EPHA5: variants seen among roughly 807,000 people sequenced by gnomAD.
EPHA5 encodes ephrin type-A receptor 5.
In EPHA5, 60 loss-of-function variants were observed where a neutral mutation model predicts 105.0. That is an observed-to-expected ratio of 0.57 (90% CI 0.46 to 0.71). The LOEUF (loss-of-function observed/expected upper bound fraction) is 0.71. Among genes scored for constraint, EPHA5 ranks in the 30% least tolerant of loss-of-function variants. EPHA5 has a pLI of 0.00. For missense variants in EPHA5, 1,218 were observed against 1,274.7 expected, an observed-to-expected ratio of 0.96 and a Z score of 0.68; for synonymous variants, 513 against 449.1, an observed-to-expected ratio of 1.14 and a Z score of -1.80.
intron 3 of EPHA5, among the ~76,000 whole-genome samples, chr4:65,557,260 T>TATATATATATATATATATATATATC: frequency 3.9e-5 from 1 of 25,548 alleles, no homozygotes; most frequent in Non-Finnish European, 9.2e-5. Context: ...ATATATATAT[T>TATATATATATATATATATATATATC]CTCACACTTT....
At chr4:65,427,568 A>G (rs1290721328) in intron 5 of EPHA5, among the ~76,000 whole-genome samples, 3 of 152,210 alleles carry the variant, frequency 2.0e-5, no homozygotes, top group Non-Finnish European at 2.9e-5. Flanking sequence ...TTTTAAATCT[A>G]TGTGTCTTAT....
intron 11 of EPHA5, among the ~76,000 whole-genome samples, chr4:65,362,252 A>G (rs965663253): frequency 6.6e-6 from 1 of 151,602 alleles, no homozygotes; most frequent in African/African-American, 2.4e-5. Context: ...CCCTACCTCA[A>G]CTTCAATAAG....
chr4:65,583,793 A>G (rs977709108), intron 3 of EPHA5, among the ~76,000 whole-genome samples: 6 of 151,760 alleles, frequency 4.0e-5, no homozygotes, highest in Admixed American at 2.6e-4. Context: ...AAAATCATGA[A>G]AAAGAAATTC....
intron 3 of EPHA5, among the ~76,000 whole-genome samples, chr4:65,511,733 G>A (rs972026956): frequency 6.6e-6 from 1 of 152,144 alleles, no homozygotes; most frequent in Non-Finnish European, 1.5e-5. Context: ...TAGGCAATCA[G>A]TTATTTTAAT....
intron 5 of EPHA5, among the ~76,000 whole-genome samples, chr4:65,461,034 T>C (rs1257266730): frequency 2.6e-5 from 4 of 151,856 alleles, no homozygotes; most frequent in Non-Finnish European, 5.9e-5. Flanking sequence ...CTATAAATAT[T>C]CCACATGATC....
chr4:65,514,738 A>C (rs151229246), intron 3 of EPHA5, among the ~76,000 whole-genome samples: 38 of 152,292 alleles, frequency 2.5e-4, no homozygotes, highest in African/African-American at 9.1e-4. Context: ...CTCGTCATCA[A>C]ATCTCATGCC....
chr4:65,514,758 T>C (rs970504727), intron 3 of EPHA5, among the ~76,000 whole-genome samples: 1 of 152,144 alleles, frequency 6.6e-6, no homozygotes. Context: ...CATCAAACTA[T>C]ATAACCAATT....
At chr4:65,404,746 G>A (rs1722194863) in intron 7 of EPHA5, among the ~76,000 whole-genome samples, 1 of 152,148 alleles carries the variant, frequency 6.6e-6, no homozygotes, top group Non-Finnish European at 1.5e-5. Flanking sequence ...CATGTTGTTT[G>A]CATAGTATTC....
intron 2 of EPHA5, among the ~76,000 whole-genome samples, chr4:65,641,969 G>A (rs1747709761): frequency 6.6e-6 from 1 of 151,966 alleles, no homozygotes; most frequent in Non-Finnish European, 1.5e-5. Context: ...TTGAGTAATT[G>A]TCTTCAAATG....
chr4:65,614,115 C>T (rs923459770), intron 2 of EPHA5, among the ~76,000 whole-genome samples: 6 of 151,858 alleles, frequency 4.0e-5, no homozygotes, highest in Non-Finnish European at 7.4e-5. Flanking sequence ...TTCCTACTGG[C>T]GTCTTCTGTC....
intron 14 of EPHA5, among the ~76,000 whole-genome samples, chr4:65,345,152 C>A (rs1052040163): frequency 6.6e-6 from 1 of 151,986 alleles, no homozygotes; most frequent in African/African-American, 2.4e-5. Context: ...GTCATAGTCC[C>A]GCCCCTAAAA....
At chr4:65,327,587 T>C (rs1429701014) in intron 16 of EPHA5, among the ~76,000 whole-genome samples, 1 of 151,304 alleles carries the variant, frequency 6.6e-6, no homozygotes, top group Non-Finnish European at 1.5e-5. Flanking sequence ...ATTTAGAAGA[T>C]AGGATAACTA....
At chr4:65,653,139 T>G (rs910963170) in intron 1 of EPHA5, among the ~76,000 whole-genome samples, 1 of 152,004 alleles carries the variant, frequency 6.6e-6, no homozygotes, top group Non-Finnish European at 1.5e-5. Context: ...TCATTAGCTT[T>G]CCAGACTTCA....
intron 1 of EPHA5, among the ~76,000 whole-genome samples, chr4:65,668,848 C>T (rs948887424): frequency 3.3e-5 from 5 of 151,958 alleles, no homozygotes; most frequent in African/African-American, 1.2e-4. Flanking sequence ...GACACTCCCC[C>T]TCACCCCTCC....
intron 5 of EPHA5, among the ~76,000 whole-genome samples, chr4:65,445,454 A>G (rs1250713527): frequency 6.6e-6 from 1 of 152,166 alleles, no homozygotes; most frequent in African/African-American, 2.4e-5. Context: ...AAGCCTTCAA[A>G]TATTGCTTCT....
At chr4:65,661,610 A>G (rs1215839016) in intron 1 of EPHA5, among the ~76,000 whole-genome samples, 2 of 152,128 alleles carry the variant, frequency 1.3e-5, no homozygotes. Context: ...GAGACTGGGC[A>G]GTCAGCCTCA....
chr4:65,467,148 A>G (rs1728798521), intron 5 of EPHA5, among the ~76,000 whole-genome samples: 1 of 152,220 alleles, frequency 6.6e-6, no homozygotes, highest in Non-Finnish European at 1.5e-5. Flanking sequence ...CAAAGTACAA[A>G]GAGATTACTT....
chr4:65,494,132 T>C (rs1038253875), intron 4 of EPHA5, among the ~76,000 whole-genome samples: 3 of 152,224 alleles, frequency 2.0e-5, no homozygotes, highest in Non-Finnish European at 4.4e-5. Flanking sequence ...TATTTTTCAC[T>C]AGTAATCATC....
At chr4:65,626,940 A>T (rs554262378) in intron 2 of EPHA5, among the ~76,000 whole-genome samples, 2 of 152,312 alleles carry the variant, frequency 1.3e-5, no homozygotes, top group Admixed American at 1.3e-4. Context: ...AATCCTCTCT[A>T]GCCACAGCTT....
Sources: allele counts gnomAD v4.1 joint callset (sites outside exome capture counted in the v4.1 genomes callset), GRCh38; gene constraint gnomAD v4.1.1; transcripts MANE v1.5; gene names NCBI Gene and HGNC (gene_info 2026-07-23, HGNC 2026-07-21).